Variants in CACNA1B observed in about 807,000 individuals in gnomAD.
The protein encoded by CACNA1B is calcium voltage-gated channel subunit alpha1 B.
A neutral mutation model predicts 247.2 loss-of-function variants in CACNA1B; 70 were observed. The ratio of observed to expected loss-of-function variants is 0.28; its 90% CI spans 0.23 to 0.35. CACNA1B has a LOEUF of 0.35. CACNA1B is among the 10% of genes least tolerant of loss of function. The probability of loss-of-function intolerance (pLI) is 1.00; values close to 1 mark genes in which losing one functional copy is unlikely to be tolerated. For missense variants in CACNA1B, 2,367 were observed against 3,197.4 expected, an observed-to-expected ratio of 0.74 and a Z score of 6.26; for synonymous variants, 1,231 against 1,294.4, an observed-to-expected ratio of 0.95 and a Z score of 1.05.
At position 138,102,830 on chromosome 9, in the gene CACNA1B, G is replaced by GC; in HGVS notation, c.5319+29dup. 2.0e-6 allele frequency: 3 copies of GC among 1,493,232 alleles called. No individual in the cohort carries two copies. Among genetic ancestry groups the GC allele is most frequent in the Non-Finnish European group, 2.8e-6 (3 of 1,075,868 alleles). 92.5% of individuals were successfully genotyped at this position (1,493,232 alleles called of 1,614,324 possible). ...AAGGTAGACCCTGACCCTGCAACCC[G>GC]CCCCCCAGGAGGCTGTGTGTGCTTG... On this transcript the variant is annotated intron_variant, in intron 38 of 46. Transcript: ENST00000371372. The surrounding 1 kb of genome is among the most constrained non-coding windows in gnomAD (Gnocchi z 5.4).
intron 35 of CACNA1B, among the ~76,000 whole-genome samples, chr9:138,077,475 A>G (rs761010207): frequency 2.0e-5 from 3 of 151,852 alleles, no homozygotes; most frequent in Non-Finnish European, 4.4e-5. Flanking sequence ...ATGGGCAGTC[A>G]TGTGGATTTT....
Position 137,954,412 on chromosome 9 carries a change from C to T in CACNA1B, c.1071-1286C>T, listed in dbSNP as rs1957919699. 6.6e-6 allele frequency among the ~76,000 whole-genome samples: 1 copy of T among 152,236 alleles called. No individual in the cohort carries two copies. Among genetic ancestry groups the T allele is most frequent in the African/African-American group, 2.4e-5 (1 of 41,466 alleles). On this transcript the variant is annotated intron_variant, in intron 7 of 46. Transcript: ENST00000371372. The surrounding 1 kb of genome is among the most constrained non-coding windows in gnomAD (Gnocchi z 4.1). Reference sequence around the variant, plus strand: ...AGAGGTGGCCCCTGTCCTGCCTCTTCTCACCCAGCGAGGACAGAAGCTCAG... The same window carrying T: ...AGAGGTGGCCCCTGTCCTGCCTCTTTTCACCCAGCGAGGACAGAAGCTCAG...
At chr9:138,110,137 G>T (rs1168132097) in intron 39 of CACNA1B, among the ~76,000 whole-genome samples, 1 of 151,216 alleles carries the variant, frequency 6.6e-6, no homozygotes, top group Non-Finnish European at 1.5e-5. Context: ...ATATATTTGA[G>T]ACAGTCTTGC....
rs1343828106 is a variant in CACNA1B at position 138,057,600 on chromosome 9, C to T, written c.3969-132C>T. 9.2e-6 allele frequency: 7 copies of T among 761,490 alleles called. No individual in the cohort carries two copies. In the East Asian group the frequency reaches 1.9e-4, roughly 21 times the overall value. 47.2% of individuals were successfully genotyped at this position (761,490 alleles called of 1,614,324 possible). ...TCACATTCATTCTTCTGCATGTGGA[C>T]ATCCAGTTTTCCCAGCACAGTCTGT... On this transcript the variant is annotated intron_variant, in intron 26 of 46. Transcript: ENST00000371372. This position sits in a 1 kb window ranked among gnomAD's most constrained non-coding sequence, Gnocchi z 4.0.
intron 20 of CACNA1B, among the ~76,000 whole-genome samples, chr9:138,039,907 T>C (rs1959096318): frequency 1.3e-5 from 2 of 152,228 alleles, no homozygotes; most frequent in Non-Finnish European, 2.9e-5. Context: ...CATTAATATT[T>C]TGCTTGATTG....
At position 138,120,148 on chromosome 9, in the gene CACNA1B, C is replaced by T. The variant is rs759393415; in HGVS notation, c.6031-17C>T. On this transcript the variant is annotated splice_polypyrimidine_tract_variant and intron_variant, in intron 44 of 46. Transcript: ENST00000371372. ...CTGGTGCCTCCCCTAGGCCCACTCTCAGTCCTTTGCCCACAGCCCGTCACA... is the reference window on the plus strand; with the variant it reads ...CTGGTGCCTCCCCTAGGCCCACTCTTAGTCCTTTGCCCACAGCCCGTCACA... 6 of 1,582,870 alleles carry T rather than the reference C, an allele frequency of 3.8e-6. No homozygotes were observed. Among genetic ancestry groups the T allele is most frequent in the Admixed American group, 3.5e-5 (2 of 57,706 alleles).
chr9:138,049,095 T>C (rs768505710), intron 23 of CACNA1B, 114 bp from the exon 24 acceptor site: 2 of 740,952 alleles, frequency 2.7e-6, no homozygotes, highest in Admixed American at 4.0e-5. Flanking sequence ...GCTTAAGCAG[T>C]CTGCCTGCCT....
chr9:138,123,083 T>A lies in CACNA1B; in HGVS notation c.*1084T>A, dbSNP rs1349947261. The A allele has an allele frequency of 6.6e-6, 1 of 152,314 alleles. No individual in the cohort carries two copies. The highest frequency in any genetic ancestry group is 2.4e-5 in the African/African-American group (1 of 41,450). 9.4% of individuals were successfully genotyped at this position (152,314 alleles called of 1,614,324 possible). A position where few individuals can be genotyped will look rare whatever the true frequency, so the allele number is the denominator to read the frequency against. Reference sequence around the variant, plus strand: ...TGAGGCATTTTCAGTCTGTTCTGCATATGATTCTCAGGGCACACTCTGTGG... The same window carrying A: ...TGAGGCATTTTCAGTCTGTTCTGCAAATGATTCTCAGGGCACACTCTGTGG... On this transcript the variant is annotated 3_prime_UTR_variant, in exon 47 of 47. Transcript: ENST00000371372.
chr9:138,118,618 G>A (rs1160206819), intron 43 of CACNA1B, 34 bp from the exon 44 acceptor site: 1 of 1,075,898 alleles, frequency 9.3e-7, no homozygotes, highest in South Asian at 1.4e-5. Context: ...GCGGTGCCTT[G>A]TGTGGTGGGA....
In CACNA1B at chr9:137,954,008, G is replaced by A. The variant is rs1211943684; in HGVS notation, c.1070+1631G>A. ...CCTTCTGCATCCCTCTAGGGAATGTGCAGAATAGCCTGAGGGGCTGGAGGG... is the reference window on the plus strand; with the variant it reads ...CCTTCTGCATCCCTCTAGGGAATGTACAGAATAGCCTGAGGGGCTGGAGGG... On this transcript the variant is annotated intron_variant, in intron 7 of 46. Coordinates refer to ENST00000371372, the MANE Select transcript of CACNA1B (RefSeq NM_000718.4). The surrounding 1 kb of genome is among the most constrained non-coding windows in gnomAD (Gnocchi z 4.1). Among the ~76,000 whole-genome samples, 5 of 152,154 alleles carry A rather than the reference G, an allele frequency of 3.3e-5. No homozygotes were observed. Among genetic ancestry groups the A allele is most frequent in the Admixed American group, 2.0e-4 (3 of 15,288 alleles).
chr9:138,017,344 C>A, intron 18 of CACNA1B: 1 of 429,026 alleles, frequency 2.3e-6, no homozygotes. Flanking sequence ...GTGGCCTGAG[C>A]GGGGAATGGT....
chr9:138,079,223 C>G (rs1319635324), intron 36 of CACNA1B, among the ~76,000 whole-genome samples: 1 of 152,016 alleles, frequency 6.6e-6, no homozygotes, highest in Non-Finnish European at 1.5e-5. Context: ...CAAGGTGACT[C>G]TGTGTGTGTT....
At chr9:137,879,258 C>A in intron 2 of CACNA1B, 99 bp downstream of exon 2, 1 of 772,410 alleles carries the variant, frequency 1.3e-6, no homozygotes, top group South Asian at 1.6e-5. Flanking sequence ...CGGGCAGGGT[C>A]GTCTGGGCAG....
At chr9:137,995,129 A>G (rs1462466689) in intron 15 of CACNA1B, among the ~76,000 whole-genome samples, 2 of 150,916 alleles carry the variant, frequency 1.3e-5, no homozygotes, top group Non-Finnish European at 2.9e-5. Flanking sequence ...AATCACTTAA[A>G]CTCAGGAGGT....
intron 36 of CACNA1B, among the ~76,000 whole-genome samples, chr9:138,086,363 A>G (rs1248625453): frequency 6.6e-6 from 1 of 151,154 alleles, no homozygotes; most frequent in Non-Finnish European, 1.5e-5. Flanking sequence ...CTTTAAGTCA[A>G]AAACTCTGAA....
chr9:137,960,889 T>A (rs1378395756), intron 10 of CACNA1B, among the ~76,000 whole-genome samples: 1 of 152,204 alleles, frequency 6.6e-6, no homozygotes, highest in Non-Finnish European at 1.5e-5. Flanking sequence ...GTTTACTTTT[T>A]AATAATAGTC....
chr9:137,883,877 C>T (rs570409231), intron 3 of CACNA1B, among the ~76,000 whole-genome samples: 11 of 151,394 alleles, frequency 7.3e-5, no homozygotes, highest in African/African-American at 2.4e-4. Flanking sequence ...CAGTGACTGC[C>T]CCAAGATGCC....
chr9:137,939,203 C>T (rs1039443218), intron 6 of CACNA1B, among the ~76,000 whole-genome samples: 2 of 152,134 alleles, frequency 1.3e-5, no homozygotes, highest in African/African-American at 4.8e-5. Flanking sequence ...GTAAACTATA[C>T]CCTGGAACAA....
rs111541587 is a variant in CACNA1B at position 137,888,694 on chromosome 9, C to T, written c.530+5811C>T. On this transcript the variant is annotated intron_variant, in intron 3 of 46. Coordinates refer to ENST00000371372, the MANE Select transcript of CACNA1B (RefSeq NM_000718.4). This position sits in a 1 kb window ranked among gnomAD's most constrained non-coding sequence, Gnocchi z 4.7. ...AAGAGAGGGTGTGTGGGTGTGTGGC[C>T]GCTGCACCAGGAGGGAGTCTGGTCA... 2.0e-5 allele frequency among the ~76,000 whole-genome samples: 3 copies of T among 152,294 alleles called. No individual in the cohort carries two copies. The highest frequency in any genetic ancestry group is 6.5e-5 in the Admixed American group (1 of 15,310).
Sources: gnomAD v4.1 joint callset for allele counts (sites outside exome capture counted in the v4.1 genomes callset) on GRCh38, gnomAD v4.1.1 for gene constraint, Gnocchi (gnomAD v3.1) non-coding constraint, MANE v1.5 for transcripts, NCBI Gene and HGNC (gene_info 2026-07-23, HGNC 2026-07-21) for gene names.